Variants in DCC observed in about 807,000 individuals in gnomAD.
The protein encoded by DCC is netrin receptor DCC.
In DCC, 58 loss-of-function variants were observed where a neutral mutation model predicts 172.5. The observed-to-expected ratio is 0.34, with a 90% CI of 0.27 to 0.42. The LOEUF is 0.42. DCC is among the 10% of genes least tolerant of loss of function. The pLI is 1.00. For missense variants in DCC, 1,740 were observed against 1,791.0 expected, an observed-to-expected ratio of 0.97 and a Z score of 0.51; for synonymous variants, 709 against 644.5, an observed-to-expected ratio of 1.10 and a Z score of -1.52.
chr18:53,039,562 C>A (rs923443619), intron 5 of DCC, among the ~76,000 whole-genome samples: 1 of 151,954 alleles, frequency 6.6e-6, no homozygotes, highest in African/African-American at 2.4e-5. Context: ...CCCAAACCAC[C>A]TATTCCAAGC....
chr18:52,952,499 G>C (rs1339944063), intron 5 of DCC, among the ~76,000 whole-genome samples: 1 of 152,128 alleles, frequency 6.6e-6, no homozygotes, highest in Non-Finnish European at 1.5e-5. Flanking sequence ...ACATAAAATA[G>C]GGTATATAAA....
At chr18:53,508,095 G>T (rs549751085) in intron 27 of DCC, among the ~76,000 whole-genome samples, 4 of 151,330 alleles carry the variant, frequency 2.6e-5, no homozygotes, top group African/African-American at 9.7e-5. Flanking sequence ...GGGTTTCACC[G>T]TGTTAGCCAG....
intron 5 of DCC, among the ~76,000 whole-genome samples, chr18:53,000,695 C>A (rs964410432): frequency 7.1e-6 from 1 of 140,384 alleles, no homozygotes; most frequent in Non-Finnish European, 1.5e-5. Flanking sequence ...CACAGCCAGA[C>A]AAAAGTCAGG....
chr18:52,682,731 AACAG>A (rs60374516), intron 1 of DCC, among the ~76,000 whole-genome samples: 2 of 151,608 alleles, frequency 1.3e-5, no homozygotes, highest in Admixed American at 6.6e-5. Context: ...AAGAAAACAA[AACAG>A]ACAGAGTGAG....
At chr18:52,845,625 A>G (rs117929956) in intron 2 of DCC, among the ~76,000 whole-genome samples, 4 of 152,200 alleles carry the variant, frequency 2.6e-5, no homozygotes, top group East Asian at 1.9e-4. Flanking sequence ...AGTTCAAGGT[A>G]CCATGTAAAA....
chr18:52,706,952 G>C (rs535972852), intron 1 of DCC, among the ~76,000 whole-genome samples: 2 of 152,302 alleles, frequency 1.3e-5, no homozygotes, highest in African/African-American at 4.8e-5. Context: ...ATATAAAAGA[G>C]AGGGAGAGTT....
intron 12 of DCC, among the ~76,000 whole-genome samples, chr18:53,265,732 C>G (rs574168346): frequency 2.0e-5 from 3 of 152,198 alleles, no homozygotes; most frequent in Non-Finnish European, 4.4e-5. Context: ...TTCTCAGCTC[C>G]GATCTGTTAT....
intron 19 of DCC, among the ~76,000 whole-genome samples, chr18:53,405,274 CTG>C (rs1254817893): frequency 1.3e-5 from 2 of 151,806 alleles, no homozygotes; most frequent in Non-Finnish European, 2.9e-5. Flanking sequence ...CATGTAACCT[CTG>C]TATTGTTTTG....
At chr18:53,123,752 G>A (rs1457943564) in intron 7 of DCC, among the ~76,000 whole-genome samples, 1 of 151,754 alleles carries the variant, frequency 6.6e-6, no homozygotes, top group African/African-American at 2.4e-5. Context: ...TAATTTTCAT[G>A]TCTATTCACA....
At chr18:53,447,415 A>G (rs932559906) in intron 22 of DCC, among the ~76,000 whole-genome samples, 2 of 152,200 alleles carry the variant, frequency 1.3e-5, no homozygotes, top group Non-Finnish European at 1.5e-5. Flanking sequence ...AAGATTTGTA[A>G]TGGGAGTCCT....
chr18:53,211,145 TA>T (rs1241686667), intron 11 of DCC, among the ~76,000 whole-genome samples: 1 of 152,230 alleles, frequency 6.6e-6, no homozygotes, highest in African/African-American at 2.4e-5. Flanking sequence ...ATAGGCAACA[TA>T]AGAATGTGCT....
chr18:53,250,141 G>A (rs1283428369), intron 12 of DCC, among the ~76,000 whole-genome samples: 2 of 151,802 alleles, frequency 1.3e-5, no homozygotes, highest in African/African-American at 4.8e-5. Context: ...AAAATGGGGT[G>A]GAGTTGAATT....
intron 1 of DCC, among the ~76,000 whole-genome samples, chr18:52,479,585 C>G (rs879588102): frequency 1.4e-4 from 19 of 133,702 alleles, no homozygotes; most frequent in Admixed American, 6.1e-4. Flanking sequence ...CCTCCACCCC[C>G]CCCCCGTCTC....
rs550890780 is a variant in DCC, at chr18:53,393,019, C to T, written c.2688+1132C>T. 1.8e-4 allele frequency among the ~76,000 whole-genome samples: 27 copies of T among 152,228 alleles called. No individual in the cohort carries two copies. The East Asian group carries it at 3.1e-3, about 17-fold the overall frequency. ...CCTACTCCTTTTGTGTTCTCTTAAC[C>T]GCTTGATTGGGGTAGCTCTTGAGGA... On this transcript the variant is annotated intron_variant, in intron 17 of 28. Transcript: ENST00000442544.
At chr18:53,488,718 G>A (rs947570012) in intron 26 of DCC, among the ~76,000 whole-genome samples, 18 of 152,170 alleles carry the variant, frequency 1.2e-4, no homozygotes, top group Non-Finnish European at 4.4e-5. Flanking sequence ...GTTTTTATCT[G>A]TGGTTAAAAG....
intron 22 of DCC, among the ~76,000 whole-genome samples, chr18:53,440,985 C>A (rs1912237143): frequency 6.6e-6 from 1 of 152,200 alleles, no homozygotes; most frequent in East Asian, 1.9e-4. Context: ...TTGTTGTGGG[C>A]ACATGTCCTG....
intron 11 of DCC, among the ~76,000 whole-genome samples, chr18:53,213,368 G>A (rs1239783702): frequency 1.3e-5 from 2 of 151,864 alleles, no homozygotes; most frequent in African/African-American, 2.4e-5. Flanking sequence ...GAAGTGACTC[G>A]GCCGGGCGTA....
chr18:52,344,908 C>T (rs935190921), intron 1 of DCC, among the ~76,000 whole-genome samples: 1 of 152,190 alleles, frequency 6.6e-6, no homozygotes, highest in Non-Finnish European at 1.5e-5. Flanking sequence ...TTTCCACCCC[C>T]TCATACCTTC....
intron 1 of DCC, among the ~76,000 whole-genome samples, chr18:52,591,358 A>T (rs1299755859): frequency 6.6e-6 from 1 of 152,174 alleles, no homozygotes; most frequent in Non-Finnish European, 1.5e-5. Context: ...TAAATTAAAC[A>T]ATGTCATTTT....
Sources: gnomAD v4.1 joint callset for allele counts (sites outside exome capture counted in the v4.1 genomes callset) on GRCh38, gnomAD v4.1.1 for gene constraint, MANE v1.5 for transcripts, NCBI Gene and HGNC (gene_info 2026-07-23, HGNC 2026-07-21) for gene names.